The following VCAN variants were observed in gnomAD, a reference collection of about 807,000 sequenced individuals.
VCAN encodes versican, also known as versican core protein.
In VCAN, 44 loss-of-function variants were observed where a neutral mutation model predicts 245.5. The ratio of observed to expected loss-of-function variants is 0.18; its 90% confidence interval spans 0.14 to 0.23. The LOEUF (loss-of-function observed/expected upper bound fraction) is 0.23. Among genes scored for constraint, VCAN ranks in the 10% least tolerant of loss-of-function variants. VCAN has a pLI of 1.00. For synonymous variants in VCAN, 1,413 were observed against 1,437.0 expected, an observed-to-expected ratio of 0.98 and a Z score of 0.38; for missense variants, 3,793 against 4,057.9, an observed-to-expected ratio of 0.93 and a Z score of 1.77.
At position 83,541,522 on chromosome 5, in the gene VCAN, A is replaced by T. The variant is rs751319175; in HGVS notation, c.8519A>T (p.His2840Leu). 6.2e-7 allele frequency: 1 copy of T among 1,613,986 alleles called. No individual in the cohort carries two copies. The highest frequency in any genetic ancestry group is 1.7e-5 in the Admixed American group (1 of 59,996). The change falls in exon 8 of 15, where the codon CAC becomes CTC. Residue 2840 changes from histidine (H) to leucine (L), a missense_variant. Around this residue, in one of 5 missense-constraint regions of VCAN, gnomAD observed 3,182 missense variants for 3,250.3 expected, o/e 0.98. Transcript: ENST00000265077. ...TACTCAGGCAGTGAAGCCTCTGGAC[A>T]CACAGAGATCCCCCAGCCCAGTGCT... The part of the protein sequence containing the change: ...TIYSGSEASG[H>L]TEIPQPSALP...
In VCAN at chr5:83,581,315, TGCAAAAAA is replaced by T. The variant is rs1458898634; in HGVS notation, c.*882_*889del. On this transcript the variant is annotated 3_prime_UTR_variant, in exon 15 of 15. Coordinates refer to ENST00000265077, the MANE Select transcript of VCAN (RefSeq NM_004385.5). ...GAGGGTGGGGGATTGTTAAAACACA[TGCAAAAAA>T]AAAAAAAAAAAAAAAAAAAGAAATT... 2 of 33,292 alleles carry T rather than the reference TGCAAAAAA, an allele frequency of 6.0e-5. No homozygotes were observed. Among genetic ancestry groups the T allele is most frequent in the Non-Finnish European group, 1.0e-4 (2 of 19,526 alleles). 2.1% of individuals were successfully genotyped at this position (33,292 alleles called of 1,614,324 possible). A position where few individuals can be genotyped will look rare whatever the true frequency, so the allele number is the denominator to read the frequency against.
intron 1 of VCAN, among the ~76,000 whole-genome samples, chr5:83,482,793 T>TCATTA: frequency 6.6e-6 from 1 of 152,340 alleles, no homozygotes; most frequent in South Asian, 2.1e-4. Context: ...GTTTCTTGAC[T>TCATTA]CAGTACAGGG....
Position 83,537,742 on chromosome 5 carries a change from T to C in VCAN, c.4739T>C (p.Val1580Ala). 6.2e-7 allele frequency: 1 copy of C among 1,613,992 alleles called. No individual in the cohort carries two copies. ...GAAGAGGTAGAAAAAAGTACTTCTG[T>C]CACATACACTCCCACTATAGTTCCA... ...FGEEVEKSTS[V>A]TYTPTIVPSS... The change falls in exon 8 of 15, where the codon GTC becomes GCC. Residue 1580 changes from valine (V) to alanine (A), a missense_variant. Val to Ala is a moderately conservative substitution (Grantham distance 64). Coordinates refer to ENST00000265077, the MANE Select transcript of VCAN (RefSeq NM_004385.5).
Position 83,519,756 on chromosome 5 carries a change from C to A in VCAN, c.1450C>A (p.Gln484Lys), listed in dbSNP as rs1746005325. The change falls in exon 7 of 15, where the codon CAA becomes AAA. Residue 484 changes from glutamine (Q) to lysine (K), a missense_variant. By Grantham distance (53) the Gln-to-Lys change is moderately conservative. This residue lies in a region of VCAN where 3,182 missense variants were observed against 3,250.3 expected (regional missense o/e 0.98). Transcript: ENST00000265077. ...TGGTGTCGTGGAAGATAAACAAACA[C>A]AAGAATCGGTTACACAGATTGAACA... ...WDGVVEDKQT[Q>K]ESVTQIEQIE... 1.2e-6 allele frequency: 2 copies of A among 1,614,126 alleles called. No homozygotes were observed. The highest frequency in any genetic ancestry group is 1.7e-6 in the Non-Finnish European group (2 of 1,179,980).
rs1382210345 is a variant in VCAN, at chr5:83,537,213, A to G, written c.4210A>G (p.Thr1404Ala). The change falls in exon 8 of 15, where the codon ACC becomes GCC. Residue 1404 changes from threonine (T) to alanine (A), a missense_variant. By Grantham distance (58) the Thr-to-Ala change is moderately conservative. Transcript: ENST00000265077. ...GTGTGCAAATGCTACTGATGTGACA[A>G]CCACCCCATCTGTGCAGTACATAAA... ...EECANATDVT[T>A]TPSVQYINGK... 6 of 1,613,648 alleles carry G rather than the reference A, an allele frequency of 3.7e-6. No individual in the cohort carries two copies. In the East Asian group the frequency reaches 1.1e-4, roughly 30 times the overall value.
At chr5:83,477,077 AG>A (rs1437621147) in intron 1 of VCAN, among the ~76,000 whole-genome samples, 1 of 152,204 alleles carries the variant, frequency 6.6e-6, no homozygotes, top group Non-Finnish European at 1.5e-5. Context: ...TGGACTCACT[AG>A]CTGAGAAAAC....
Position 83,512,333 on chromosome 5 carries a change from C to G in VCAN, c.979C>G (p.Arg327Gly), listed in dbSNP as rs774306510. Reference protein sequence around the residue: ...GGLLGVRTLYRFENQTGFPPP... With the variant: ...GGLLGVRTLYGFENQTGFPPP... ...TCTACTTGGGGTGAGAACCCTGTAT[C>G]GTTTTGAGAACCAGACAGGCTTCCC... is the stretch of plus-strand genomic sequence containing the variant. Residue 327 changes from arginine to glycine, a missense_variant, in exon 6 of 15, where the codon CGT becomes GGT. Arg to Gly is a moderately radical substitution (Grantham distance 125). This residue lies in a region of VCAN where 190 missense variants were observed against 288.6 expected (regional missense o/e 0.66). Coordinates refer to ENST00000265077, the MANE Select transcript of VCAN (RefSeq NM_004385.5). The G allele has an allele frequency of 2.5e-6, 4 of 1,610,862 alleles. No individual in the cohort carries two copies. The African/African-American group carries it at 4.0e-5, about 16-fold the overall frequency.
intron 10 of VCAN, 67 bp downstream of exon 10, chr5:83,548,151 T>C: frequency 8.5e-7 from 1 of 1,175,288 alleles, no homozygotes; most frequent in Non-Finnish European, 1.3e-6. Flanking sequence ...TTGGCCTCAA[T>C]GCATAATCTT....
chr5:83,511,944 A>G (rs925031576), intron 5 of VCAN, among the ~76,000 whole-genome samples, 159 bp from the exon 6 acceptor site: 1 of 152,212 alleles, frequency 6.6e-6, no homozygotes, highest in Non-Finnish European at 1.5e-5. Flanking sequence ...TAACGAAGCT[A>G]AGTCACCATT....
In VCAN at chr5:83,521,422, A is replaced by G. The variant is rs1340115462; in HGVS notation, c.3116A>G (p.Glu1039Gly). ...GTTQEEFPWK[E>G]QTAEKPVPAL... ...ACTCAGGAAGAATTCCCTTGGAAAG[A>G]ACAGACTGCAGAGAAACCAGTTCCT... is the stretch of plus-strand genomic sequence containing the variant. The change falls in exon 7 of 15, where the codon GAA becomes GGA. Residue 1039 changes from glutamate to glycine, a missense_variant. Coordinates refer to ENST00000265077, the MANE Select transcript of VCAN (RefSeq NM_004385.5). 4 of 1,614,010 alleles carry G rather than the reference A, an allele frequency of 2.5e-6. No individual in the cohort carries two copies. The highest frequency in any genetic ancestry group is 3.4e-6 in the Non-Finnish European group (4 of 1,180,016).
At position 83,572,356 on chromosome 5, in the gene VCAN, C is replaced by T. The variant is rs550626705; in HGVS notation, c.9736-60C>T. On this transcript the variant is annotated intron_variant, in intron 12 of 14. Transcript: ENST00000265077. ...CAATTAGATTGTGATATAATACCGT[C>T]GTTGCTCTTACGTTACTTTTTGACT... The T allele has an allele frequency of 1.1e-4, 177 of 1,585,178 alleles. 2 individuals are homozygous for T. In the South Asian group the frequency reaches 1.7e-3, roughly 15 times the overall value.
chr5:83,568,521 C>T (rs1235646112), intron 12 of VCAN, among the ~76,000 whole-genome samples: 2 of 151,964 alleles, frequency 1.3e-5, no homozygotes, highest in African/African-American at 2.4e-5. Flanking sequence ...GTTTGAGCCC[C>T]GAGAATCACT....
chr5:83,573,389 T>C (rs1057248278), intron 13 of VCAN, among the ~76,000 whole-genome samples: 1 of 152,074 alleles, frequency 6.6e-6, no homozygotes, highest in Admixed American at 6.6e-5. Flanking sequence ...CCTCCCTTGG[T>C]TGGGGCTGCA....
At chr5:83,555,292 T>C (rs1747629055) in intron 12 of VCAN, among the ~76,000 whole-genome samples, 1 of 152,164 alleles carries the variant, frequency 6.6e-6, no homozygotes, top group Non-Finnish European at 1.5e-5. Flanking sequence ...ACCAGACAAT[T>C]AGTAGAATTG....
rs932176811 is a variant in VCAN, at chr5:83,577,033, C to T, written c.9881-2947C>T. Among the ~76,000 whole-genome samples, 7 of 152,132 alleles carry T rather than the reference C, an allele frequency of 4.6e-5. No individual in the cohort carries two copies. In the South Asian group the frequency reaches 1.5e-3, roughly 32 times the overall value. ...AGTTTGTTGCTTGACTTCACCCTTA[C>T]CTTATGATATTTTCTGATGAACAGA... On this transcript the variant is annotated intron_variant, in intron 13 of 14. Transcript: ENST00000265077.
intron 3 of VCAN, among the ~76,000 whole-genome samples, 200 bp downstream of exon 3, chr5:83,490,672 C>T (rs1451053587): frequency 6.6e-6 from 1 of 152,148 alleles, no homozygotes; most frequent in Non-Finnish European, 1.5e-5. Flanking sequence ...TTGGCAGCCA[C>T]TTCATTGATT....
At chr5:83,566,297 G>A (rs1363909743) in intron 12 of VCAN, among the ~76,000 whole-genome samples, 1 of 152,126 alleles carries the variant, frequency 6.6e-6, no homozygotes, top group Non-Finnish European at 1.5e-5. Context: ...CAAAAAGGCA[G>A]TTATCCATCA....
intron 11 of VCAN, among the ~76,000 whole-genome samples, chr5:83,554,199 T>C (rs555821844): frequency 4.6e-5 from 7 of 152,366 alleles, no homozygotes; most frequent in African/African-American, 1.7e-4. Flanking sequence ...GGTAGTGTCT[T>C]GCCATGCTGT....
chr5:83,547,555 A>G (rs374521094), intron 9 of VCAN, among the ~76,000 whole-genome samples: 5 of 152,150 alleles, frequency 3.3e-5, no homozygotes, highest in East Asian at 3.9e-4. Context: ...CCAGTTAGAT[A>G]CTTTGAGTAG....
Sources: allele counts gnomAD v4.1 joint callset (sites outside exome capture counted in the v4.1 genomes callset), GRCh38; gene constraint gnomAD v4.1.1; regional missense constraint gnomAD v4.1.1; transcripts MANE v1.5; gene names NCBI Gene and HGNC (gene_info 2026-07-23, HGNC 2026-07-21).